Variants in JAKMIP3 observed in about 807,000 individuals in gnomAD.
JAKMIP3 encodes the protein Janus kinase and microtubule interacting protein 3.
JAKMIP3 carries 58 observed loss-of-function variants against 118.5 expected under a neutral mutation model. The observed-to-expected ratio is 0.49, with a 90% CI of 0.40 to 0.61. The LOEUF (loss-of-function observed/expected upper bound fraction) is 0.61, where lower values mean the gene tolerates loss of function less well. Among genes scored for constraint, JAKMIP3 ranks in the 20% least tolerant of loss-of-function variants. The pLI, the probability that JAKMIP3 is intolerant of heterozygous loss-of-function variation, is 0.00. For missense variants in JAKMIP3, 950 were observed against 1,109.0 expected (o/e 0.86, Z 2.04); for synonymous variants, 486 against 451.2 (o/e 1.08, Z -0.98).
At chr10:132,080,725 G>T (rs1331489939) in intron 1 of JAKMIP3, among the ~76,000 whole-genome samples, 1 of 151,494 alleles carries the variant, frequency 6.6e-6, no homozygotes, top group Non-Finnish European at 1.5e-5. Context: ...TCACCATGTT[G>T]ACCGGGCTGG....
chr10:132,075,107 A>C (rs1374629658), intron 1 of JAKMIP3, among the ~76,000 whole-genome samples: 1 of 152,162 alleles, frequency 6.6e-6, no homozygotes, highest in Non-Finnish European at 1.5e-5. Flanking sequence ...AAATCAGGTA[A>C]TATGATGCCT....
chr10:132,126,513 G>C (rs2049579318), intron 3 of JAKMIP3, among the ~76,000 whole-genome samples: 1 of 143,888 alleles, frequency 6.9e-6, no homozygotes, highest in Non-Finnish European at 1.5e-5. Context: ...TTGTTGCCCA[G>C]GCTGGTCGTG....
intron 1 of JAKMIP3, among the ~76,000 whole-genome samples, chr10:132,101,699 T>G (rs1439578549): frequency 6.6e-6 from 1 of 151,186 alleles, no homozygotes; most frequent in African/African-American, 2.4e-5. Flanking sequence ...GGCTCGGTCC[T>G]GGGGTGCCGC....
At chr10:132,075,788 A>G (rs997987427) in intron 1 of JAKMIP3, among the ~76,000 whole-genome samples, 1 of 152,174 alleles carries the variant, frequency 6.6e-6, no homozygotes, top group Non-Finnish European at 1.5e-5. Context: ...TTCCAAATGA[A>G]TAAAAATAAA....
In JAKMIP3 at chr10:132,090,581, T is replaced by C. The variant is rs11498480; in HGVS notation, c.-137-14091T>C. 7.5e-3 allele frequency among the ~76,000 whole-genome samples: 1,138 copies of C among 152,290 alleles called. 9 individuals carry two copies. The highest frequency in any genetic ancestry group is 0.026 in the African/African-American group (1,067 of 41,566). On this transcript the variant is annotated intron_variant, in intron 1 of 23. Transcript: ENST00000684848. ...AACCCCTTTATCATTTTTTATTGCA[T>C]CTATTTGATTCTCTCTTTTCTTCTT...
chr10:132,159,856 CCCTGTGTGATGCTGGGGGGGTCTCTT>C (rs1564982760), intron 19 of JAKMIP3, among the ~76,000 whole-genome samples: 36 of 26,720 alleles, frequency 1.3e-3, no homozygotes, highest in Non-Finnish European at 1.9e-3. Context: ...GGGGGCCTCT[CCCTGTGTGATGCTGGGGGGGTCTCTT>C]CCTGTGTGAT....
intron 1 of JAKMIP3, among the ~76,000 whole-genome samples, chr10:132,037,543 C>T (rs1160346514): frequency 6.6e-6 from 1 of 152,100 alleles, no homozygotes; most frequent in Non-Finnish European, 1.5e-5. Flanking sequence ...GGAGAAAGTG[C>T]CAGGCCGTGT....
At chr10:132,164,525 T>G (rs1590009469) in intron 20 of JAKMIP3, 145 bp from the exon 21 acceptor site, 1 of 633,700 alleles carries the variant, frequency 1.6e-6, no homozygotes, top group East Asian at 2.7e-5. Flanking sequence ...AGCAAAGGCT[T>G]GTGTCCTCGT....
chr10:132,163,285 CAGA>C lies in JAKMIP3; in HGVS notation c.2298_2300del (p.Glu769del). The C allele has an allele frequency of 6.2e-7, 1 of 1,600,074 alleles. No individual in the cohort carries two copies. Among genetic ancestry groups the C allele is most frequent in the Non-Finnish European group, 8.5e-7 (1 of 1,174,416 alleles). ...GGGGCTAAGGTGGCTGAGCTGCTGT[CAGA>C]GGAGGAGCGCGAGAAGCTCAAGGTG... On this transcript the variant is annotated inframe_deletion, in exon 20 of 24. Transcript: ENST00000684848.
Position 132,154,636 on chromosome 10 carries a change from C to G in JAKMIP3, c.2220+646C>G, listed in dbSNP as rs549076513. Among the ~76,000 whole-genome samples the G allele has an allele frequency of 5.3e-5, 8 of 152,162 alleles. No homozygotes were observed. The South Asian group carries it at 1.7e-3, about 32-fold the overall frequency. ...ACCACCAAGAGGTTCACCTCGGGAC[C>G]CAGCCCAGCAGGCAGGGTCTTGACC... On this transcript the variant is annotated intron_variant, in intron 19 of 23. Transcript: ENST00000684848.
chr10:132,056,023 G>A (rs1009559930), intron 1 of JAKMIP3, among the ~76,000 whole-genome samples: 9 of 152,154 alleles, frequency 5.9e-5, no homozygotes, highest in South Asian at 2.1e-4. Flanking sequence ...ACTTGAGTCC[G>A]CCTGGGGACA....
intron 23 of JAKMIP3, among the ~76,000 whole-genome samples, chr10:132,172,098 T>A (rs1466585936): frequency 6.6e-6 from 1 of 152,208 alleles, no homozygotes; most frequent in Non-Finnish European, 1.5e-5. Flanking sequence ...GTCTCTGTAG[T>A]GCCTGCCATC....
chr10:132,172,267 TA>T (rs1230669728), intron 23 of JAKMIP3, among the ~76,000 whole-genome samples: 1 of 152,128 alleles, frequency 6.6e-6, no homozygotes, highest in Non-Finnish European at 1.5e-5. Context: ...TGATGGACCC[TA>T]AGTACCACAC....
chr10:132,104,865 G>A lies in JAKMIP3; in HGVS notation c.57G>A (p.Ala19=), dbSNP rs545489271. 3.1e-5 allele frequency: 48 copies of A among 1,561,880 alleles called. No individual in the cohort carries two copies. The highest frequency in any genetic ancestry group is 3.6e-5 in the Non-Finnish European group (41 of 1,153,602). ...RAKGDKAEAL[A]ALQAANEDLR... ...AGGGGGACAAGGCAGAGGCCCTCGC[G>A]GCGCTGCAGGCGGCCAACGAGGATC... The change falls in exon 2 of 24, where the codon GCG becomes GCA. Residue 19 remains alanine (A), a synonymous_variant. Coordinates refer to ENST00000684848, the MANE Select transcript of JAKMIP3 (RefSeq NM_001323087.2).
At chr10:132,156,562 C>G (rs1416541441) in intron 19 of JAKMIP3, among the ~76,000 whole-genome samples, 1 of 152,180 alleles carries the variant, frequency 6.6e-6, no homozygotes, top group Non-Finnish European at 1.5e-5. Flanking sequence ...CTGCCCATCC[C>G]TGATTGACAC....
chr10:132,076,691 C>A (rs1308788384), intron 1 of JAKMIP3, among the ~76,000 whole-genome samples: 1 of 146,266 alleles, frequency 6.8e-6, no homozygotes, highest in Non-Finnish European at 1.5e-5. Context: ...GACTGGCCTG[C>A]GGTGGCCCCG....
At chr10:132,161,813 G>GT (rs2058373093) in intron 19 of JAKMIP3, among the ~76,000 whole-genome samples, 1 of 97,492 alleles carries the variant, frequency 1.0e-5, no homozygotes, top group Non-Finnish European at 2.1e-5. Flanking sequence ...GTGTGATGCT[G>GT]GGGGGGGCCT....
In JAKMIP3 at chr10:132,180,582, TGC is replaced by T. The variant is rs1554962877; in HGVS notation, c.*1104-1771_*1104-1770del. ...GCGTGTGTGTGCGTGTGTGTGTGCG[TGC>T]GCGTGTGTGTGTGCGTGCGCGTGTG... On this transcript the variant is annotated intron_variant, in intron 23 of 23. Coordinates refer to ENST00000684848, the MANE Select transcript of JAKMIP3 (RefSeq NM_001323087.2). 8.4e-3 allele frequency among the ~76,000 whole-genome samples: 179 copies of T among 21,272 alleles called. 42 individuals are homozygous for T. Among genetic ancestry groups the T allele is most frequent in the African/African-American group, 0.019 (98 of 5,072 alleles). The allele number at this position is 21,272 out of a possible 152,430, so 14.0% of individuals were successfully genotyped here. A position where few individuals can be genotyped will look rare whatever the true frequency, so the allele number is the denominator to read the frequency against.
intron 11 of JAKMIP3, among the ~76,000 whole-genome samples, chr10:132,143,339 A>T (rs1472363220): frequency 6.6e-6 from 1 of 152,080 alleles, no homozygotes; most frequent in Non-Finnish European, 1.5e-5. Context: ...CCAGAGCCTC[A>T]TGGGCCCAGC....
Sources: gnomAD v4.1 joint callset for allele counts (sites outside exome capture counted in the v4.1 genomes callset) on GRCh38, gnomAD v4.1.1 for gene constraint, MANE v1.5 for transcripts, NCBI Gene and HGNC (gene_info 2026-07-23, HGNC 2026-07-21) for gene names.